The following MACROD2 variants were observed in gnomAD, a reference collection of about 807,000 sequenced individuals.
MACROD2 encodes the protein mono-ADP ribosylhydrolase 2, also known as ADP-ribose glycohydrolase MACROD2.
MACROD2 carries 36 observed loss-of-function variants against 70.4 expected under a neutral mutation model. The observed-to-expected ratio is 0.51, with a 90% CI of 0.39 to 0.68. The LOEUF (loss-of-function observed/expected upper bound fraction) is 0.68, where lower values mean the gene tolerates loss of function less well. MACROD2 is among the 30% of genes least tolerant of loss of function. The pLI, the probability that MACROD2 is intolerant of heterozygous loss-of-function variation, is 0.00. For missense variants in MACROD2, 496 were observed against 538.4 expected (o/e 0.92, Z 0.78); for synonymous variants, 172 against 178.8 (o/e 0.96, Z 0.30).
chr20:14,013,028 A>G (rs1417166628), intron 2 of MACROD2, among the ~76,000 whole-genome samples: 1 of 152,126 alleles, frequency 6.6e-6, no homozygotes, highest in Non-Finnish European at 1.5e-5. Flanking sequence ...CATTTTTGTA[A>G]TAGATTTGGG....
chr20:15,437,883 C>T (rs1025462481), intron 7 of MACROD2, among the ~76,000 whole-genome samples: 8 of 151,984 alleles, frequency 5.3e-5, no homozygotes, highest in African/African-American at 1.9e-4. Context: ...TACCACATTT[C>T]CTTTATCCAC....
At chr20:15,526,475 G>T (rs1052268691) in intron 8 of MACROD2, among the ~76,000 whole-genome samples, 11 of 152,188 alleles carry the variant, frequency 7.2e-5, no homozygotes, top group Admixed American at 6.5e-4. Flanking sequence ...GAATAGGTGA[G>T]AGAGTGGAAG....
intron 7 of MACROD2, among the ~76,000 whole-genome samples, chr20:15,447,085 TG>T (rs2046577921): frequency 1.4e-5 from 2 of 147,994 alleles, no homozygotes; most frequent in Non-Finnish European, 3.0e-5. Flanking sequence ...TGTGTGTGTG[TG>T]TCTGTGTGTT....
chr20:14,024,370 A>G (rs576343701), intron 2 of MACROD2, among the ~76,000 whole-genome samples: 1 of 152,314 alleles, frequency 6.6e-6, no homozygotes, highest in African/African-American at 2.4e-5. Context: ...TCCTATTTGA[A>G]TACCCTTTAT....
At chr20:14,714,642 G>A (rs1051916667) in intron 5 of MACROD2, among the ~76,000 whole-genome samples, 2 of 151,968 alleles carry the variant, frequency 1.3e-5, no homozygotes, top group Non-Finnish European at 2.9e-5. Context: ...TGTTCAACAT[G>A]CCCCCTCTCA....
At chr20:15,805,237 G>A (rs979659240) in intron 8 of MACROD2, among the ~76,000 whole-genome samples, 2 of 152,152 alleles carry the variant, frequency 1.3e-5, no homozygotes, top group Non-Finnish European at 2.9e-5. Flanking sequence ...TGAAGAACTG[G>A]ATAGAATGGG....
At chr20:15,329,479 T>C (rs1392319070) in intron 6 of MACROD2, among the ~76,000 whole-genome samples, 2 of 152,078 alleles carry the variant, frequency 1.3e-5, no homozygotes, top group South Asian at 2.1e-4. Flanking sequence ...GGCTCATGTC[T>C]GTAATCCCAG....
chr20:15,718,250 A>T (rs1568991214), intron 8 of MACROD2, among the ~76,000 whole-genome samples: 1 of 151,938 alleles, frequency 6.6e-6, no homozygotes. Flanking sequence ...CAGCCTCCCA[A>T]AGTGCTGGGA....
At chr20:14,206,654 G>A (rs1333653025) in intron 3 of MACROD2, among the ~76,000 whole-genome samples, 4 of 147,784 alleles carry the variant, frequency 2.7e-5, no homozygotes, top group Admixed American at 2.7e-4. Flanking sequence ...CATCCCATGA[G>A]GCTTTTTTTT....
chr20:15,405,781 T>A (rs1439470251), intron 6 of MACROD2, among the ~76,000 whole-genome samples: 1 of 152,198 alleles, frequency 6.6e-6, no homozygotes, highest in Admixed American at 6.5e-5. Context: ...CTTGCTCTCT[T>A]GAAATTCTCC....
At chr20:15,710,469 A>T (rs2050610392) in intron 8 of MACROD2, among the ~76,000 whole-genome samples, 2 of 152,080 alleles carry the variant, frequency 1.3e-5, no homozygotes, top group Admixed American at 1.3e-4. Context: ...TAATCAGGGA[A>T]ACTTTATCTA....
At chr20:15,340,441 CTTTTCT>C (rs2078098997) in intron 6 of MACROD2, among the ~76,000 whole-genome samples, 1 of 151,976 alleles carries the variant, frequency 6.6e-6, no homozygotes, top group Non-Finnish European at 1.5e-5. Context: ...CAGCTGTCAA[CTTTTCT>C]TTTTAACTCT....
intron 4 of MACROD2, among the ~76,000 whole-genome samples, chr20:14,662,853 G>A (rs1986291277): frequency 6.6e-6 from 1 of 152,166 alleles, no homozygotes; most frequent in Non-Finnish European, 1.5e-5. Context: ...TGGCAAGATT[G>A]TGGAGAAATA....
rs554630256 is a variant in MACROD2, at chr20:14,242,112, T to C, written c.271+156384T>C. On this transcript the variant is annotated intron_variant, in intron 3 of 17. Transcript: ENST00000684519. ...GAGGAAAGAAAATTTGGATGTTCTC[T>C]GTTCATTTGGGTTATTCAAAATAAC... Among the ~76,000 whole-genome samples the C allele has an allele frequency of 6.6e-5, 10 of 152,304 alleles. No homozygotes were observed. In the South Asian group the frequency reaches 2.1e-3, roughly 32 times the overall value.
At chr20:14,223,989 C>T (rs879551371) in intron 3 of MACROD2, among the ~76,000 whole-genome samples, 1 of 152,078 alleles carries the variant, frequency 6.6e-6, no homozygotes, top group Non-Finnish European at 1.5e-5. Flanking sequence ...GAAGGTGATC[C>T]GTTGGCAGAA....
At chr20:14,170,527 C>T (rs967338804) in intron 3 of MACROD2, among the ~76,000 whole-genome samples, 1 of 152,078 alleles carries the variant, frequency 6.6e-6, no homozygotes, top group Non-Finnish European at 1.5e-5. Flanking sequence ...TCTTCTATGT[C>T]GATTTTGTTG....
At chr20:14,179,724 G>A (rs543863430) in intron 3 of MACROD2, among the ~76,000 whole-genome samples, 1 of 152,228 alleles carries the variant, frequency 6.6e-6, no homozygotes, top group East Asian at 1.9e-4. Context: ...TATGATATTT[G>A]TGCCAGAATT....
intron 5 of MACROD2, among the ~76,000 whole-genome samples, chr20:15,226,375 C>T (rs905141971): frequency 6.6e-5 from 10 of 152,106 alleles, no homozygotes; most frequent in African/African-American, 2.4e-4. Flanking sequence ...TTTCTTGAGC[C>T]TTCCTATGTA....
intron 1 of MACROD2, among the ~76,000 whole-genome samples, chr20:13,998,799 C>CA (rs1569107252): frequency 6.6e-6 from 1 of 151,616 alleles, no homozygotes; most frequent in African/African-American, 2.4e-5. Context: ...ACTAAAAATA[C>CA]AAAAAATTAG....
Sources: gnomAD v4.1 joint callset for allele counts (sites outside exome capture counted in the v4.1 genomes callset) on GRCh38, gnomAD v4.1.1 for gene constraint, MANE v1.5 for transcripts, NCBI Gene and HGNC (gene_info 2026-07-23, HGNC 2026-07-21) for gene names.